The following CNNM2 variants were observed in gnomAD, a reference collection of about 807,000 sequenced individuals.
CNNM2 encodes the protein metal transporter CNNM2.
Under a neutral mutation model 66.9 loss-of-function variants are expected in CNNM2, and 12 were observed. The ratio of observed to expected loss-of-function variants is 0.18; its 90% CI spans 0.11 to 0.29. The LOEUF (loss-of-function observed/expected upper bound fraction) is 0.29, where lower values mean the gene tolerates loss of function less well. Ranked by LOEUF, CNNM2 falls within the 10% of genes least tolerant of loss-of-function variation. The pLI, the probability that CNNM2 is intolerant of heterozygous loss-of-function variation, is 1.00. For missense variants in CNNM2, 705 were observed against 1,167.7 expected, an observed-to-expected ratio of 0.60 and a Z score of 5.77; for synonymous variants, 557 against 501.8, an observed-to-expected ratio of 1.11 and a Z score of -1.47.
Position 102,920,168 on chromosome 10 carries a change from C to T in CNNM2, c.1621+67C>T. On this transcript the variant is annotated intron_variant, in intron 1 of 7. Coordinates refer to ENST00000369878, the MANE Select transcript of CNNM2 (RefSeq NM_017649.5). ...CTCCATCCTCCTCCCTACTTGAGTC[C>T]TCTACCCTCAGACCAACCCCCCAAG... 5.0e-6 allele frequency: 8 copies of T among 1,613,082 alleles called. No homozygotes were observed. The East Asian group carries it at 8.9e-5, about 18-fold the overall frequency.
At chr10:102,998,071 T>G (rs554865918) in intron 1 of CNNM2, among the ~76,000 whole-genome samples, 1 of 152,108 alleles carries the variant, frequency 6.6e-6, no homozygotes, top group African/African-American at 2.4e-5. Context: ...TAAGTTAGAG[T>G]TAACAAACTC....
intron 1 of CNNM2, chr10:103,027,562 T>C (rs2064731193): frequency 6.6e-6 from 1 of 152,218 alleles, no homozygotes; most frequent in Non-Finnish European, 1.5e-5. Flanking sequence ...GTTGCTATAT[T>C]GAACTTTAAA....
At chr10:102,935,808 A>G (rs993827083) in intron 1 of CNNM2, among the ~76,000 whole-genome samples, 1 of 136,572 alleles carries the variant, frequency 7.3e-6, no homozygotes, top group Non-Finnish European at 1.5e-5. Context: ...TGTAGAAGGC[A>G]AAGTGTCGCT....
At chr10:103,009,282 A>G (rs2064290371) in intron 1 of CNNM2, among the ~76,000 whole-genome samples, 2 of 152,102 alleles carry the variant, frequency 1.3e-5, no homozygotes, top group Admixed American at 1.3e-4. Context: ...TCTCAAAAAA[A>G]ACGGAAAACA....
At chr10:102,964,165 T>G (rs938238635) in intron 1 of CNNM2, among the ~76,000 whole-genome samples, 1 of 152,212 alleles carries the variant, frequency 6.6e-6, no homozygotes, top group Non-Finnish European at 1.5e-5. Context: ...TGTAATTTTA[T>G]GCATAACATA....
chr10:102,990,775 G>A (rs2063885011), intron 1 of CNNM2, among the ~76,000 whole-genome samples: 3 of 152,180 alleles, frequency 2.0e-5, no homozygotes, highest in African/African-American at 7.2e-5. Context: ...TGAGGTGTGA[G>A]AGAAGTGTGT....
rs1309670450 is a variant in CNNM2, at chr10:103,089,159, AG to A, written c.*11981del. 4.4e-6 allele frequency: 1 copy of A among 226,348 alleles called. No homozygotes were observed. Among genetic ancestry groups the A allele is most frequent in the Non-Finnish European group, 8.8e-6 (1 of 113,818 alleles). The allele number at this position is 226,348 out of a possible 1,614,324, so 14.0% of individuals were successfully genotyped here. On this transcript the variant is annotated 3_prime_UTR_variant, in exon 8 of 8. Transcript: ENST00000369878. ...GCCAGAGTCACTGAGGATGAATTAAAGGCTTATAAAAGAAAACTTGACCTTA... is the reference window on the plus strand; with the variant it reads ...GCCAGAGTCACTGAGGATGAATTAAAGCTTATAAAAGAAAACTTGACCTTA...
intron 1 of CNNM2, among the ~76,000 whole-genome samples, chr10:102,959,798 A>T (rs1192170377): frequency 1.3e-5 from 2 of 152,156 alleles, no homozygotes; most frequent in Admixed American, 6.6e-5. Flanking sequence ...CACACCTGTA[A>T]TCCCAGCACT....
At chr10:103,057,386 C>T (rs577251011) in intron 4 of CNNM2, among the ~76,000 whole-genome samples, 6 of 150,550 alleles carry the variant, frequency 4.0e-5, no homozygotes, top group African/African-American at 9.8e-5. Flanking sequence ...GGGGGCGGGG[C>T]GGGGATTGCT....
rs763082866 is a variant in CNNM2 at position 102,919,675 on chromosome 10, T to G, written c.1195T>G (p.Cys399Gly). The G allele has an allele frequency of 6.2e-7, 1 of 1,614,234 alleles. No individual in the cohort carries two copies. The highest frequency in any genetic ancestry group is 1.1e-5 in the South Asian group (1 of 91,086). ...CTACCCGGTCAGCAAGCTGCTGGAC[T>G]GCGTCCTGGGCCAGGAGATAGGCAC... is the stretch of plus-strand genomic sequence containing the variant. ...ASYPVSKLLD[C>G]VLGQEIGTVY... Residue 399 changes from cysteine to glycine, a missense_variant, in exon 1 of 8, where the codon TGC (cysteine) becomes GGC (glycine). Physicochemically the swap from Cys to Gly is radical, Grantham distance 159. Around this residue, in one of 9 missense-constraint regions of CNNM2, gnomAD observed 27 missense variants for 40.7 expected, o/e 0.66. Transcript: ENST00000369878.
Position 103,086,950 on chromosome 10 carries a change from G to C in CNNM2, c.*9770G>C, listed in dbSNP as rs1420240470. 6.6e-6 allele frequency: 1 copy of C among 152,140 alleles called. No homozygotes were observed. The highest frequency in any genetic ancestry group is 1.5e-5 in the Non-Finnish European group (1 of 68,058). 9.4% of individuals were successfully genotyped at this position (152,140 alleles called of 1,614,324 possible). Reference sequence around the variant, plus strand: ...AAACCCAGCAGGGCCTGGGTCTGCTGTACCACTGACCAACTGCTGGGGAGG... The same window carrying C: ...AAACCCAGCAGGGCCTGGGTCTGCTCTACCACTGACCAACTGCTGGGGAGG... On this transcript the variant is annotated 3_prime_UTR_variant, in exon 8 of 8. Transcript: ENST00000369878.
chr10:102,983,578 G>A (rs556496075), intron 1 of CNNM2, among the ~76,000 whole-genome samples: 5 of 151,606 alleles, frequency 3.3e-5, no homozygotes, highest in South Asian at 2.1e-4. Context: ...AGCTGGGATC[G>A]TAGGTGCACA....
chr10:102,984,755 G>A (rs968634493), intron 1 of CNNM2, among the ~76,000 whole-genome samples: 5 of 152,038 alleles, frequency 3.3e-5, no homozygotes, highest in African/African-American at 4.8e-5. Flanking sequence ...TGCCTCCCGG[G>A]TTCAAGTGAT....
intron 1 of CNNM2, among the ~76,000 whole-genome samples, chr10:102,985,311 C>G (rs1225959787): frequency 1.3e-5 from 2 of 151,988 alleles, no homozygotes; most frequent in African/African-American, 2.4e-5. Flanking sequence ...CTGTATATTC[C>G]TATTTTGTCT....
chr10:102,948,678 T>C (rs755856188), intron 1 of CNNM2, among the ~76,000 whole-genome samples: 7 of 151,974 alleles, frequency 4.6e-5, no homozygotes, highest in Non-Finnish European at 1.0e-4. Flanking sequence ...ATTATTAGAG[T>C]TGCATTTTCA....
At chr10:103,006,267 C>G (rs1356768050) in intron 1 of CNNM2, among the ~76,000 whole-genome samples, 1 of 150,062 alleles carries the variant, frequency 6.7e-6, no homozygotes, top group Non-Finnish European at 1.5e-5. Context: ...AGCACAGTGT[C>G]TGGATCTTGG....
intron 1 of CNNM2, among the ~76,000 whole-genome samples, chr10:102,968,038 G>A (rs917516422): frequency 1.3e-5 from 2 of 152,166 alleles, no homozygotes; most frequent in Non-Finnish European, 2.9e-5. Flanking sequence ...GCACTTGCAT[G>A]AAGTCTTTGT....
intron 1 of CNNM2, among the ~76,000 whole-genome samples, chr10:102,965,634 G>T (rs2063451564): frequency 6.6e-6 from 1 of 152,146 alleles, no homozygotes; most frequent in Non-Finnish European, 1.5e-5. Context: ...AAAGTCTTGA[G>T]TCAGCGTCTT....
intron 1 of CNNM2, among the ~76,000 whole-genome samples, chr10:103,042,178 C>T (rs2065052772): frequency 6.6e-6 from 1 of 152,172 alleles, no homozygotes; most frequent in Non-Finnish European, 1.5e-5. Flanking sequence ...TCTCCTCCAC[C>T]CGCTATCCAG....
Sources: allele counts gnomAD v4.1 joint callset (sites outside exome capture counted in the v4.1 genomes callset), GRCh38; gene constraint gnomAD v4.1.1; regional missense constraint gnomAD v4.1.1; transcripts MANE v1.5; gene names NCBI Gene and HGNC (gene_info 2026-07-23, HGNC 2026-07-21).